ROR1: variants seen among roughly 807,000 people sequenced by gnomAD.
The protein encoded by ROR1 is inactive tyrosine-protein kinase transmembrane receptor ROR1.
ROR1 carries 19 observed loss-of-function variants against 78.8 expected under a neutral mutation model. That is an observed-to-expected ratio of 0.24 (90% confidence interval 0.17 to 0.35). ROR1 has a LOEUF of 0.35. Ranked by LOEUF, ROR1 falls within the 10% of genes least tolerant of loss-of-function variation. The pLI, the probability that ROR1 is intolerant of heterozygous loss-of-function variation, is 1.00. For missense variants in ROR1, 917 were observed against 1,177.8 expected (o/e 0.78, Z 3.24); for synonymous variants, 386 against 433.6 (o/e 0.89, Z 1.36).
chr1:63,868,905 C>G (rs893974705), intron 1 of ROR1, among the ~76,000 whole-genome samples: 14 of 152,196 alleles, frequency 9.2e-5, no homozygotes, highest in African/African-American at 3.4e-4. Flanking sequence ...TATTTTGCAT[C>G]ATTTTTATTT....
rs2100210247 is a variant in ROR1 at position 63,774,315 on chromosome 1, C to T, written c.-103C>T. The stretch of plus-strand genomic sequence containing the variant: ...GCAGACGTCCCCGGCGTCCTGCGAG[C>T]GCCAGCGGCCGGGACGAGGCGGCCG... On this transcript the variant is annotated 5_prime_UTR_variant, in exon 1 of 9. Coordinates refer to ENST00000371079, the MANE Select transcript of ROR1 (RefSeq NM_005012.4). The surrounding 1 kb of genome is among the most constrained non-coding windows in gnomAD (Gnocchi z 5.7). The T allele has an allele frequency of 1.6e-6, 1 of 644,152 alleles. No homozygotes were observed. Among genetic ancestry groups the T allele is most frequent in the Non-Finnish European group, 2.3e-6 (1 of 438,240 alleles). The allele number at this position is 644,152 out of a possible 1,614,324, so 39.9% of individuals were successfully genotyped here.
chr1:63,851,072 C>T lies in ROR1; in HGVS notation c.91+76564C>T, dbSNP rs533480313. Among the ~76,000 whole-genome samples the T allele has an allele frequency of 5.9e-5, 9 of 152,318 alleles. No individual in the cohort carries two copies. The East Asian group carries it at 1.4e-3, about 23-fold the overall frequency. The stretch of plus-strand genomic sequence containing the variant: ...TAGGCTCACTGCAACCTCCGTCTCC[C>T]GAGTTCAATCAATTGTCCTGCCTCA... On this transcript the variant is annotated intron_variant, in intron 1 of 8. Transcript: ENST00000371079.
chr1:63,872,243 A>G (rs1645256795), intron 1 of ROR1, among the ~76,000 whole-genome samples: 1 of 152,146 alleles, frequency 6.6e-6, no homozygotes, highest in Non-Finnish European at 1.5e-5. Flanking sequence ...GTCTGTTGTG[A>G]AATGCTGTAC....
intron 4 of ROR1, among the ~76,000 whole-genome samples, chr1:64,134,262 T>A (rs1052251028): frequency 6.6e-6 from 1 of 152,182 alleles, no homozygotes; most frequent in Non-Finnish European, 1.5e-5. Flanking sequence ...TTTGTAAGTA[T>A]ATAAAACTTA....
At chr1:63,976,446 A>G (rs548934481) in intron 1 of ROR1, among the ~76,000 whole-genome samples, 51 of 152,332 alleles carry the variant, frequency 3.3e-4, no homozygotes, top group Non-Finnish European at 6.2e-4. Context: ...TTAGGAATCA[A>G]AATTCCAATA....
chr1:64,034,987 A>C (rs1270978700), intron 2 of ROR1, among the ~76,000 whole-genome samples: 1 of 152,212 alleles, frequency 6.6e-6, no homozygotes, highest in Non-Finnish European at 1.5e-5. Context: ...TCACAAATAG[A>C]GTGACTTCTA....
chr1:64,025,070 C>T (rs1242443060), intron 2 of ROR1, among the ~76,000 whole-genome samples: 1 of 152,140 alleles, frequency 6.6e-6, no homozygotes, highest in Non-Finnish European at 1.5e-5. Context: ...GAAAAGCCTT[C>T]CATTCTCCAA....
At chr1:63,853,808 A>G (rs1236269050) in intron 1 of ROR1, among the ~76,000 whole-genome samples, 1 of 152,254 alleles carries the variant, frequency 6.6e-6, no homozygotes. Flanking sequence ...ACCAAGGCTT[A>G]TGATAAAGGA....
rs566334109 is a variant in ROR1 at position 64,070,744 on chromosome 1, C to T, written c.482+20028C>T. Among the ~76,000 whole-genome samples the T allele has an allele frequency of 3.0e-4, 45 of 152,234 alleles. 2 individuals are homozygous for T. The South Asian group carries it at 3.7e-3, about 13-fold the overall frequency. The stretch of plus-strand genomic sequence containing the variant: ...CACTGTGTGCCAGGCCAAGGCTTCA[C>T]GGATATAGTGGTGAACAATACCAGG... On this transcript the variant is annotated intron_variant, in intron 4 of 8. Transcript: ENST00000371079.
chr1:63,807,262 T>C (rs766998866), intron 1 of ROR1, among the ~76,000 whole-genome samples: 14 of 152,320 alleles, frequency 9.2e-5, no homozygotes, highest in Admixed American at 9.1e-4. Context: ...AAATCACTAA[T>C]GATGGGCAAG....
intron 7 of ROR1, among the ~76,000 whole-genome samples, chr1:64,154,665 T>C (rs1032377442): frequency 1.1e-4 from 17 of 152,230 alleles, no homozygotes; most frequent in Admixed American, 1.0e-3. Flanking sequence ...AATAGGAATG[T>C]CAGATGTGAA....
At chr1:63,917,803 C>T (rs139791853) in intron 1 of ROR1, among the ~76,000 whole-genome samples, 77 of 152,242 alleles carry the variant, frequency 5.1e-4, no homozygotes, top group African/African-American at 1.9e-3. Context: ...CCACCTGCCC[C>T]TGGTGGAGGC....
chr1:64,156,909 C>T (rs1211301226), intron 7 of ROR1, among the ~76,000 whole-genome samples: 1 of 151,968 alleles, frequency 6.6e-6, no homozygotes, highest in Non-Finnish European at 1.5e-5. Flanking sequence ...AAAGCAAGAC[C>T]GACGATGGAA....
intron 1 of ROR1, among the ~76,000 whole-genome samples, chr1:63,860,491 T>C (rs1331784970): frequency 1.3e-5 from 2 of 150,666 alleles, no homozygotes; most frequent in African/African-American, 4.9e-5. Flanking sequence ...GAGGCCGAGG[T>C]GGGCAGATCA....
intron 1 of ROR1, among the ~76,000 whole-genome samples, chr1:63,907,061 A>G (rs1645535033): frequency 6.6e-6 from 1 of 152,202 alleles, no homozygotes; most frequent in Non-Finnish European, 1.5e-5. Context: ...AGAGAAGGTA[A>G]AATGGTTTAA....
At chr1:64,053,307 T>C (rs1646848443) in intron 4 of ROR1, among the ~76,000 whole-genome samples, 1 of 152,156 alleles carries the variant, frequency 6.6e-6, no homozygotes, top group African/African-American at 2.4e-5. Flanking sequence ...GCTACACAAC[T>C]CCTGCCTGGG....
Position 64,167,844 on chromosome 1 carries a change from A to G in ROR1, c.1386+8652A>G, listed in dbSNP as rs1245638208. On this transcript the variant is annotated intron_variant, in intron 8 of 8. Transcript: ENST00000371079. ...CGGAGTGAGGTCTAACTCAAAAACC[A>G]GAGAGCTCTTATACCTTGAGCATTT... Among the ~76,000 whole-genome samples, 5 of 152,232 alleles carry G rather than the reference A, an allele frequency of 3.3e-5. No homozygotes were observed. In the East Asian group the frequency reaches 9.6e-4, roughly 29 times the overall value.
chr1:63,954,540 A>G (rs957600731), intron 1 of ROR1, among the ~76,000 whole-genome samples: 1 of 152,216 alleles, frequency 6.6e-6, no homozygotes, highest in Non-Finnish European at 1.5e-5. Flanking sequence ...ACATGGAGAA[A>G]AAGAGTGTGA....
intron 4 of ROR1, among the ~76,000 whole-genome samples, chr1:64,067,031 C>A (rs1646961650): frequency 6.6e-6 from 1 of 151,880 alleles, no homozygotes; most frequent in African/African-American, 2.4e-5. Flanking sequence ...TACAGGACAT[C>A]TTAATTCAGA....
Sources: allele counts gnomAD v4.1 joint callset (sites outside exome capture counted in the v4.1 genomes callset), GRCh38; gene constraint gnomAD v4.1.1; non-coding constraint Gnocchi (gnomAD v3.1); transcripts MANE v1.5; gene names NCBI Gene and HGNC (gene_info 2026-07-23, HGNC 2026-07-21).